Variants in FGF12 observed in about 807,000 individuals in gnomAD.
FGF12 encodes the protein fibroblast growth factor 12.
In FGF12, 14 loss-of-function variants were observed where a neutral mutation model predicts 23.6. The ratio of observed to expected loss-of-function variants is 0.59; its 90% CI spans 0.39 to 0.93. FGF12 has a LOEUF of 0.93. Ranked by LOEUF, FGF12 falls within the 40% of genes least tolerant of loss-of-function variation. The pLI, the probability that FGF12 is intolerant of heterozygous loss-of-function variation, is 0.00. For missense variants in FGF12, 175 were observed against 217.8 expected, an observed-to-expected ratio of 0.80 and a Z score of 1.24; for synonymous variants, 62 against 77.3, an observed-to-expected ratio of 0.80 and a Z score of 1.04.
chr3:192,284,402 C>T (rs142613698), intron 4 of FGF12, among the ~76,000 whole-genome samples: 2 of 152,194 alleles, frequency 1.3e-5, no homozygotes, highest in Admixed American at 1.3e-4. Context: ...ATATTCTACT[C>T]TGTCCTTCAA....
chr3:192,554,164 T>A (rs1021918584), intron 2 of FGF12, among the ~76,000 whole-genome samples: 1 of 152,202 alleles, frequency 6.6e-6, no homozygotes, highest in African/African-American at 2.4e-5. Context: ...GCTGGGCAGA[T>A]TGCTGCTGCT....
chr3:192,331,587 G>A (rs144348241), intron 4 of FGF12, among the ~76,000 whole-genome samples: 1 of 152,204 alleles, frequency 6.6e-6, no homozygotes, highest in African/African-American at 2.4e-5. Context: ...AAATAAGCCA[G>A]TTACAAAATG....
chr3:192,621,939 G>T (rs1714992043), intron 2 of FGF12, among the ~76,000 whole-genome samples: 1 of 152,152 alleles, frequency 6.6e-6, no homozygotes, highest in African/African-American at 2.4e-5. Flanking sequence ...AATAATGCCA[G>T]ATGTATATGA....
chr3:192,615,545 A>G (rs1714724780), intron 2 of FGF12, among the ~76,000 whole-genome samples: 1 of 151,994 alleles, frequency 6.6e-6, no homozygotes, highest in African/African-American at 2.4e-5. Context: ...TTAATGGACA[A>G]ACTAAACCAC....
intron 2 of FGF12, among the ~76,000 whole-genome samples, chr3:192,470,925 C>T (rs528254315): frequency 6.6e-6 from 1 of 152,166 alleles, no homozygotes; most frequent in Non-Finnish European, 1.5e-5. Context: ...TTCACACCTC[C>T]GGCTTCTCAT....
At chr3:192,481,815 TGA>T (rs1347070269) in intron 2 of FGF12, among the ~76,000 whole-genome samples, 1 of 152,214 alleles carries the variant, frequency 6.6e-6, no homozygotes, top group Non-Finnish European at 1.5e-5. Flanking sequence ...TAAGCCAGGC[TGA>T]GTCATATTTT....
intron 2 of FGF12, among the ~76,000 whole-genome samples, chr3:192,666,420 A>C (rs1012643452): frequency 2.2e-4 from 33 of 152,224 alleles, no homozygotes; most frequent in Non-Finnish European, 8.8e-5. Context: ...CCAGGACTTT[A>C]TACAATCATT....
chr3:192,695,995 A>G (rs552672247), intron 2 of FGF12, among the ~76,000 whole-genome samples: 1 of 152,130 alleles, frequency 6.6e-6, no homozygotes, highest in Non-Finnish European at 1.5e-5. Flanking sequence ...GCTACTTGGG[A>G]GGCTAAGGCA....
In FGF12 at chr3:192,424,821, A is replaced by G. The variant is rs900039216; in HGVS notation, c.14-64283T>C. ...ATCTTACCAATTTCTTTGTTTACCT[A>G]TAATAAAACTTTGCAATAGGCCATG... is the stretch of plus-strand genomic sequence containing the variant. On this transcript the variant is annotated intron_variant, in intron 2 of 5. Coordinates refer to ENST00000445105, the MANE Select transcript of FGF12 (RefSeq NM_004113.6). Among the ~76,000 whole-genome samples, 12 of 152,158 alleles carry G rather than the reference A, an allele frequency of 7.9e-5. No homozygotes were observed. The South Asian group carries it at 1.9e-3, about 24-fold the overall frequency.
intron 2 of FGF12, among the ~76,000 whole-genome samples, chr3:192,468,045 C>T (rs1047882774): frequency 1.3e-5 from 2 of 152,132 alleles, no homozygotes; most frequent in African/African-American, 4.8e-5. Flanking sequence ...GGTACACTCC[C>T]GACAGTGGGG....
intron 2 of FGF12, among the ~76,000 whole-genome samples, chr3:192,498,603 C>T (rs911972356): frequency 1.3e-5 from 2 of 150,654 alleles, no homozygotes; most frequent in Non-Finnish European, 2.9e-5. Context: ...AGTCTAGTTA[C>T]TAGTTACTCT....
intron 2 of FGF12, among the ~76,000 whole-genome samples, chr3:192,572,052 G>T (rs2108606224): frequency 6.6e-6 from 1 of 151,630 alleles, no homozygotes; most frequent in East Asian, 1.9e-4. Flanking sequence ...AGTGAACAAT[G>T]AATAAATCAG....
chr3:192,453,146 G>A (rs1339060986), intron 2 of FGF12, among the ~76,000 whole-genome samples: 1 of 151,668 alleles, frequency 6.6e-6, no homozygotes, highest in Non-Finnish European at 1.5e-5. Flanking sequence ...TTATGACCTG[G>A]GTAATCACTT....
At chr3:192,263,033 A>C (rs1282220159) in intron 4 of FGF12, among the ~76,000 whole-genome samples, 1 of 152,078 alleles carries the variant, frequency 6.6e-6, no homozygotes, top group African/African-American at 2.4e-5. Context: ...TTTCCTTTTA[A>C]TTATGGTCAT....
intron 4 of FGF12, among the ~76,000 whole-genome samples, chr3:192,173,493 A>G (rs1715685904): frequency 1.4e-5 from 2 of 139,334 alleles, no homozygotes; most frequent in Non-Finnish European, 3.3e-5. Context: ...AGTAACTCAG[A>G]TTCAATATAG....
chr3:192,199,295 T>A (rs1577228154), intron 4 of FGF12, among the ~76,000 whole-genome samples: 1 of 152,240 alleles, frequency 6.6e-6, no homozygotes. Context: ...GTAGTAAGTG[T>A]ACTGAGTTGT....
chr3:192,544,751 G>A (rs1725454579), intron 2 of FGF12, among the ~76,000 whole-genome samples: 1 of 152,106 alleles, frequency 6.6e-6, no homozygotes, highest in Non-Finnish European at 1.5e-5. Flanking sequence ...TTTTAAGAGA[G>A]CTGATTCTAG....
intron 4 of FGF12, among the ~76,000 whole-genome samples, chr3:192,240,949 A>G (rs1208269983): frequency 6.6e-6 from 1 of 150,738 alleles, no homozygotes; most frequent in African/African-American, 2.4e-5. Flanking sequence ...ACGAGGAGGG[A>G]AAAAATAAAG....
intron 4 of FGF12, among the ~76,000 whole-genome samples, chr3:192,230,815 C>T (rs192862161): frequency 6.6e-6 from 1 of 152,098 alleles, no homozygotes; most frequent in African/African-American, 2.4e-5. Flanking sequence ...AAGGAATGAT[C>T]AATCAAATTC....
Sources: gnomAD v4.1 joint callset for allele counts (sites outside exome capture counted in the v4.1 genomes callset) on GRCh38, gnomAD v4.1.1 for gene constraint, MANE v1.5 for transcripts, NCBI Gene and HGNC (gene_info 2026-07-23, HGNC 2026-07-21) for gene names.